Variants in CRPPA observed in about 807,000 individuals in gnomAD.
The protein encoded by CRPPA is D-ribitol-5-phosphate cytidylyltransferase.
A neutral mutation model predicts 52.0 loss-of-function variants in CRPPA; 43 were observed. The ratio of observed to expected loss-of-function variants is 0.83; its 90% confidence interval spans 0.65 to 1.07. The LOEUF (loss-of-function observed/expected upper bound fraction) is 1.07, where lower values mean the gene tolerates loss of function less well. Among genes scored for constraint, CRPPA ranks in the 50% least tolerant of loss-of-function variants. The pLI, the probability that CRPPA is intolerant of heterozygous loss-of-function variation, is 0.00. For synonymous variants in CRPPA, 250 were observed against 203.5 expected (o/e 1.23, Z -1.94); for missense variants, 629 against 551.7 (o/e 1.14, Z -1.40).
intron 3 of CRPPA, among the ~76,000 whole-genome samples, chr7:16,363,762 C>A (rs1420710397): frequency 6.6e-6 from 1 of 151,928 alleles, no homozygotes; most frequent in Non-Finnish European, 1.5e-5. Context: ...AAATAAGGAC[C>A]AGTGGGGAAA....
intron 8 of CRPPA, among the ~76,000 whole-genome samples, chr7:16,222,124 T>G (rs567528636): frequency 4.0e-5 from 6 of 151,738 alleles, no homozygotes; most frequent in Non-Finnish European, 7.4e-5. Flanking sequence ...CCATAAAAAA[T>G]GATGAGTTCA....
chr7:16,100,005 A>T (rs944915711), intron 9 of CRPPA, among the ~76,000 whole-genome samples: 2 of 152,128 alleles, frequency 1.3e-5, no homozygotes, highest in Non-Finnish European at 2.9e-5. Flanking sequence ...GTTTTTGGCT[A>T]CTGCTCCAAC....
chr7:16,123,912 G>A (rs1032468935), intron 9 of CRPPA, among the ~76,000 whole-genome samples: 6 of 151,952 alleles, frequency 3.9e-5, no homozygotes, highest in Admixed American at 6.6e-5. Context: ...GCTACTCATC[G>A]CTTTTCAAAA....
chr7:16,381,797 G>C (rs190613450), intron 2 of CRPPA, among the ~76,000 whole-genome samples: 14,558 of 151,284 alleles, frequency 0.096, 837 homozygotes, highest in East Asian at 0.24. Context: ...TGTTTTATCA[G>C]AGACTAGGAT....
intron 6 of CRPPA, among the ~76,000 whole-genome samples, chr7:16,275,571 G>C (rs929981141): frequency 6.6e-6 from 1 of 152,042 alleles, no homozygotes; most frequent in African/African-American, 2.4e-5. Context: ...GGTCATGCCT[G>C]TATTTCCGCC....
chr7:16,360,266 T>C (rs373083113), intron 3 of CRPPA, among the ~76,000 whole-genome samples: 2 of 152,290 alleles, frequency 1.3e-5, no homozygotes, highest in South Asian at 2.1e-4. Flanking sequence ...TTTATACTAT[T>C]AAAAAGTCAT....
At position 16,367,737 on chromosome 7, in the gene CRPPA, T is replaced by G. The variant is rs546125188; in HGVS notation, c.684+8355A>C. On this transcript the variant is annotated intron_variant, in intron 3 of 9. Transcript: ENST00000407010. ...TTCCTGTCATATTTCTTTAATTTTATAGCTATTATATTCAGCTACCCACAG... is the reference window on the plus strand; with the variant it reads ...TTCCTGTCATATTTCTTTAATTTTAGAGCTATTATATTCAGCTACCCACAG... Among the ~76,000 whole-genome samples, 3 of 152,318 alleles carry G rather than the reference T, an allele frequency of 2.0e-5. No individual in the cohort carries two copies. In the South Asian group the frequency reaches 6.2e-4, roughly 32 times the overall value.
At chr7:16,273,095 C>T (rs1784125263) in intron 6 of CRPPA, among the ~76,000 whole-genome samples, 1 of 149,928 alleles carries the variant, frequency 6.7e-6, no homozygotes, top group African/African-American at 2.5e-5. Context: ...AGGTATATCT[C>T]CTAATGCTAT....
In CRPPA at chr7:16,376,132, T is replaced by C. The variant is rs771590514; in HGVS notation, c.644A>G (p.Gln215Arg). Reference sequence around the variant, plus strand: ...ATAAATCACATCAAATAGAAAAGCTTGGGGCATTTCACTTGCTCTGTGTCT... The same window carrying C: ...ATAAATCACATCAAATAGAAAAGCTCGGGGCATTTCACTTGCTCTGTGTCT... ...RARHRASEMP[Q>R]AFLFDVIYEA... Residue 215 changes from glutamine to arginine, a missense_variant, in exon 3 of 10, where the codon CAA becomes CGA. Gln to Arg is a conservative substitution (Grantham distance 43, BLOSUM62 1). Coordinates refer to ENST00000407010, the MANE Select transcript of CRPPA (RefSeq NM_001101426.4). 1 of 1,611,140 alleles carries C rather than the reference T, an allele frequency of 6.2e-7. No homozygotes were observed. The highest frequency in any genetic ancestry group is 1.1e-5 in the South Asian group (1 of 90,462).
At chr7:16,292,564 T>C (rs1277357410) in intron 5 of CRPPA, among the ~76,000 whole-genome samples, 1 of 151,996 alleles carries the variant, frequency 6.6e-6, no homozygotes, top group Non-Finnish European at 1.5e-5. Context: ...GTTTTGACTA[T>C]ATCCATCCAT....
chr7:16,129,300 G>A (rs1990364), intron 9 of CRPPA, among the ~76,000 whole-genome samples: 74,652 of 151,678 alleles, frequency 0.49, 18,792 homozygotes, highest in East Asian at 0.76. Context: ...CTCTGCCTCA[G>A]CAAAGTCTTT....
chr7:16,215,470 G>A (rs1782278924), intron 9 of CRPPA, among the ~76,000 whole-genome samples: 1 of 152,180 alleles, frequency 6.6e-6, no homozygotes, highest in Non-Finnish European at 1.5e-5. Context: ...TGCTTTCAGT[G>A]TAACTAACAT....
chr7:16,129,469 T>C (rs933028531), intron 9 of CRPPA, among the ~76,000 whole-genome samples: 2 of 152,140 alleles, frequency 1.3e-5, no homozygotes, highest in African/African-American at 4.8e-5. Flanking sequence ...CCATCCATCT[T>C]AGGCTCTCAT....
chr7:16,332,348 A>T (rs1313438395), intron 3 of CRPPA, among the ~76,000 whole-genome samples: 2 of 152,304 alleles, frequency 1.3e-5, no homozygotes, highest in East Asian at 3.9e-4. Context: ...GACTTTACAT[A>T]AAGAAGAGAT....
intron 3 of CRPPA, among the ~76,000 whole-genome samples, chr7:16,350,891 G>C (rs1173385547): frequency 6.6e-6 from 1 of 152,124 alleles, no homozygotes; most frequent in East Asian, 1.9e-4. Context: ...GACTGAAAGT[G>C]AAGGGATGAA....
At chr7:16,249,349 G>T (rs1783374399) in intron 8 of CRPPA, among the ~76,000 whole-genome samples, 1 of 152,180 alleles carries the variant, frequency 6.6e-6, no homozygotes, top group Admixed American at 6.5e-5. Flanking sequence ...AGAGAGCAGT[G>T]GTTCTCCCAG....
chr7:16,384,282 C>T (rs1414035677), intron 2 of CRPPA, among the ~76,000 whole-genome samples: 2 of 152,142 alleles, frequency 1.3e-5, no homozygotes, highest in East Asian at 3.9e-4. Context: ...GAAATTCAAA[C>T]CTAAGTGTAC....
chr7:16,217,122 GGTCC>G (rs1782348472), intron 8 of CRPPA, among the ~76,000 whole-genome samples: 3 of 148,800 alleles, frequency 2.0e-5, no homozygotes, highest in Non-Finnish European at 3.0e-5. Flanking sequence ...TCCTCAAGTG[GGTCC>G]CTGACCCCTG....
intron 9 of CRPPA, among the ~76,000 whole-genome samples, chr7:16,098,030 T>A (rs1215099037): frequency 5.3e-5 from 8 of 152,224 alleles, no homozygotes; most frequent in African/African-American, 1.9e-4. Flanking sequence ...ACAAGCTTTT[T>A]TAAAAAGTAT....
Sources: gnomAD v4.1 joint callset for allele counts (sites outside exome capture counted in the v4.1 genomes callset) on GRCh38, gnomAD v4.1.1 for gene constraint, MANE v1.5 for transcripts, NCBI Gene and HGNC (gene_info 2026-07-23, HGNC 2026-07-21) for gene names.